The following CCSER1 variants were observed in gnomAD, a reference collection of about 807,000 sequenced individuals.
CCSER1 encodes coiled-coil serine rich protein 1.
A neutral mutation model predicts 82.0 loss-of-function variants in CCSER1; 41 were observed. The observed-to-expected ratio is 0.50, with a 90% confidence interval of 0.39 to 0.65. The LOEUF (loss-of-function observed/expected upper bound fraction) is 0.65, where lower values mean the gene tolerates loss of function less well. Ranked by LOEUF, CCSER1 falls within the 30% of genes least tolerant of loss-of-function variation. The probability of loss-of-function intolerance (pLI) is 0.00; values close to 1 mark genes in which losing one functional copy is unlikely to be tolerated. For synonymous variants in CCSER1, 414 were observed against 383.9 expected (o/e 1.08, Z -0.92); for missense variants, 1,119 against 1,064.2 (o/e 1.05, Z -0.72).
chr4:91,116,876 G>A (rs1235963212), intron 10 of CCSER1, among the ~76,000 whole-genome samples: 1 of 152,132 alleles, frequency 6.6e-6, no homozygotes, highest in East Asian at 1.9e-4. Context: ...GGAAGAATGG[G>A]TTTAAAAATT....
At chr4:91,365,129 A>G (rs1345814695) in intron 10 of CCSER1, among the ~76,000 whole-genome samples, 1 of 152,196 alleles carries the variant, frequency 6.6e-6, no homozygotes, top group Non-Finnish European at 1.5e-5. Context: ...TCTTTAAAAG[A>G]TATTAGCATT....
At chr4:90,915,599 T>A (rs1354086108) in intron 8 of CCSER1, among the ~76,000 whole-genome samples, 1 of 152,092 alleles carries the variant, frequency 6.6e-6, no homozygotes, top group African/African-American at 2.4e-5. Flanking sequence ...CTTTGAAAAC[T>A]GGCACAAGAC....
At chr4:90,896,214 G>A (rs1445375386) in intron 8 of CCSER1, among the ~76,000 whole-genome samples, 2 of 151,916 alleles carry the variant, frequency 1.3e-5, no homozygotes, top group Admixed American at 6.6e-5. Flanking sequence ...GAATCTGCAC[G>A]AAGAAAAAAT....
At chr4:91,247,090 A>G (rs953581811) in intron 10 of CCSER1, among the ~76,000 whole-genome samples, 1 of 151,968 alleles carries the variant, frequency 6.6e-6, no homozygotes, top group African/African-American at 2.4e-5. Flanking sequence ...TCACGAGGTC[A>G]GGAGATCAAG....
chr4:90,323,671 T>TA (rs1561027582), intron 3 of CCSER1, among the ~76,000 whole-genome samples: 1 of 152,102 alleles, frequency 6.6e-6, no homozygotes, highest in African/African-American at 2.4e-5. Flanking sequence ...CTTTTTTTTT[T>TA]AAATTTTATT....
At chr4:90,403,364 T>C (rs966410951) in intron 4 of CCSER1, among the ~76,000 whole-genome samples, 1 of 150,318 alleles carries the variant, frequency 6.7e-6, no homozygotes, top group African/African-American at 2.4e-5. Flanking sequence ...CCGGGCGTAG[T>C]GGCGGGCGCC....
intron 5 of CCSER1, among the ~76,000 whole-genome samples, chr4:90,582,059 A>C (rs77957080): frequency 4.6e-5 from 7 of 152,140 alleles, no homozygotes; most frequent in African/African-American, 1.4e-4. Context: ...TCTTGGTGGG[A>C]CAAGAATTGA....
At chr4:91,267,421 C>A (rs1358378939) in intron 10 of CCSER1, among the ~76,000 whole-genome samples, 1 of 152,006 alleles carries the variant, frequency 6.6e-6, no homozygotes, top group Non-Finnish European at 1.5e-5. Flanking sequence ...TCTGCTTTTA[C>A]AGAAAAAAGA....
intron 5 of CCSER1, among the ~76,000 whole-genome samples, chr4:90,591,523 G>C (rs1782693869): frequency 6.6e-6 from 1 of 152,142 alleles, no homozygotes. Context: ...ATCATTAAAA[G>C]TTAAGAAACA....
intron 8 of CCSER1, among the ~76,000 whole-genome samples, chr4:90,915,592 T>G (rs1581062498): frequency 6.6e-6 from 1 of 152,256 alleles, no homozygotes; most frequent in Middle Eastern, 3.4e-3. Flanking sequence ...GCATTCCCTT[T>G]GAAAACTGGC....
intron 3 of CCSER1, among the ~76,000 whole-genome samples, chr4:90,347,124 A>G (rs187435598): frequency 7.0e-4 from 107 of 152,256 alleles, no homozygotes; most frequent in African/African-American, 2.0e-3. Context: ...GTTTTTCTAT[A>G]TGATTAAGTA....
intron 3 of CCSER1, among the ~76,000 whole-genome samples, chr4:90,324,590 G>T (rs1257744253): frequency 8.0e-5 from 12 of 150,616 alleles, no homozygotes; most frequent in Admixed American, 2.6e-4. Flanking sequence ...AGATGAGTAG[G>T]TTGCGAAAAT....
chr4:90,253,670 A>G (rs1722774125), intron 1 of CCSER1, among the ~76,000 whole-genome samples: 1 of 152,174 alleles, frequency 6.6e-6, no homozygotes, highest in Non-Finnish European at 1.5e-5. Context: ...GACTTTGCTC[A>G]ACAACTTTGG....
rs202076608 is a variant in CCSER1, at chr4:90,308,915, T to A, written c.631T>A (p.Leu211Met). ...ISLVQQSEFS[L>M]EVTQYQEREP... ...ATTGGTACAACAGTCTGAATTCTCA[T>A]TGGAAGTTACACAGTACCAAGAGAG... Residue 211 changes from leucine to methionine, a missense_variant, in exon 2 of 11, where the codon TTG (leucine) becomes ATG (methionine). By Grantham distance (15) the Leu-to-Met change is conservative (BLOSUM62 2). Transcript: ENST00000509176. 6.2e-7 allele frequency: 1 copy of A among 1,613,886 alleles called. No homozygotes were observed. Among genetic ancestry groups the A allele is most frequent in the Non-Finnish European group, 8.5e-7 (1 of 1,179,820 alleles).
At chr4:90,867,640 C>T (rs548250740) in intron 8 of CCSER1, among the ~76,000 whole-genome samples, 2 of 151,870 alleles carry the variant, frequency 1.3e-5, no homozygotes, top group Admixed American at 6.6e-5. Context: ...CATATTCATC[C>T]TATCTAAGTA....
chr4:90,397,967 A>G (rs1005070941), intron 3 of CCSER1, among the ~76,000 whole-genome samples: 15 of 152,350 alleles, frequency 9.8e-5, no homozygotes, highest in African/African-American at 3.1e-4. Context: ...CAGGGCTGCC[A>G]TAACAAAATA....
chr4:90,747,393 T>G (rs776298272), intron 7 of CCSER1, among the ~76,000 whole-genome samples: 22 of 152,246 alleles, frequency 1.4e-4, no homozygotes, highest in Non-Finnish European at 2.6e-4. Flanking sequence ...CAAATCAAAA[T>G]TTCTTGGAAA....
At chr4:91,288,945 T>G (rs1056277752) in intron 10 of CCSER1, among the ~76,000 whole-genome samples, 1 of 152,028 alleles carries the variant, frequency 6.6e-6, no homozygotes, top group African/African-American at 2.4e-5. Flanking sequence ...CTTCTTGTTT[T>G]ATAGACTAAT....
At chr4:90,239,586 C>T (rs1218054623) in intron 1 of CCSER1, among the ~76,000 whole-genome samples, 2 of 152,166 alleles carry the variant, frequency 1.3e-5, no homozygotes, top group African/African-American at 2.4e-5. Flanking sequence ...ACTGCAGCTT[C>T]CAACTCCTGG....
Sources: allele counts gnomAD v4.1 joint callset (sites outside exome capture counted in the v4.1 genomes callset), GRCh38; gene constraint gnomAD v4.1.1; transcripts MANE v1.5; gene names NCBI Gene and HGNC (gene_info 2026-07-23, HGNC 2026-07-21).